The following MPZL3 variants were observed in gnomAD, a reference collection of about 807,000 sequenced individuals.
MPZL3 encodes myelin protein zero like 3.
A neutral mutation model predicts 24.8 loss-of-function variants in MPZL3; 23 were observed. That is an observed-to-expected ratio of 0.93 (90% CI 0.67 to 1.31). MPZL3 has a LOEUF of 1.31. Ranked by LOEUF, MPZL3 falls within the 40% of genes most tolerant of loss-of-function variation. The pLI is 0.00. For missense variants in MPZL3, 277 were observed against 294.9 expected (o/e 0.94, Z 0.44); for synonymous variants, 99 against 106.5 (o/e 0.93, Z 0.44).
rs1199992778 is a variant in MPZL3 at position 118,240,396 on chromosome 11, A to G, written c.74-19T>C. ...TAAACACCTAATCAAAGCAAACCCA[A>G]ACACTTAAAATGCATTCATGTGGGT... On this transcript the variant is annotated intron_variant, in intron 1 of 5. Transcript: ENST00000278949. The G allele has an allele frequency of 6.3e-7, 1 of 1,590,456 alleles. No individual in the cohort carries two copies. The highest frequency in any genetic ancestry group is 8.5e-7 in the Non-Finnish European group (1 of 1,171,614).
intron 5 of MPZL3, among the ~76,000 whole-genome samples, chr11:118,231,880 C>G (rs1448795346): frequency 6.6e-6 from 1 of 152,144 alleles, no homozygotes; most frequent in Non-Finnish European, 1.5e-5. Context: ...ATGCAAATGC[C>G]TCCTACTTGG....
At chr11:118,233,796 C>G (rs1344606656) in intron 4 of MPZL3, among the ~76,000 whole-genome samples, 1 of 152,106 alleles carries the variant, frequency 6.6e-6, no homozygotes, top group Non-Finnish European at 1.5e-5. Flanking sequence ...GAGTTTGAGA[C>G]CAGCCTGGCC....
intron 3 of MPZL3, 110 bp from the exon 4 acceptor site, chr11:118,235,699 T>C: frequency 9.1e-7 from 1 of 1,098,736 alleles, no homozygotes; most frequent in South Asian, 1.6e-5. Context: ...ATTACAAAAG[T>C]AATAAATCAT....
intron 1 of MPZL3, among the ~76,000 whole-genome samples, chr11:118,247,869 C>T (rs1331676112): frequency 6.6e-6 from 1 of 152,056 alleles, no homozygotes; most frequent in East Asian, 1.9e-4. Flanking sequence ...GAAATCTTTC[C>T]TTTATTCTCA....
intron 2 of MPZL3, 140 bp from the exon 3 acceptor site, chr11:118,237,400 C>T (rs928932608): frequency 2.9e-6 from 2 of 701,060 alleles, no homozygotes; most frequent in Non-Finnish European, 4.8e-6. Context: ...CTTTTTTAAC[C>T]TCCATCCTAT....
intron 1 of MPZL3, among the ~76,000 whole-genome samples, chr11:118,248,479 T>C (rs1197710856): frequency 6.6e-6 from 1 of 152,206 alleles, no homozygotes; most frequent in Admixed American, 6.5e-5. Context: ...TTTCCCTTGT[T>C]AATATATCTG....
At position 118,232,849 on chromosome 11, in the gene MPZL3, T is replaced by A. The variant is rs563945315; in HGVS notation, c.681+611A>T. Among the ~76,000 whole-genome samples the A allele has an allele frequency of 3.0e-4, 46 of 152,266 alleles. No homozygotes were observed. In the Middle Eastern group the frequency reaches 0.02, roughly 68 times the overall value. ...ATCATATGAGATCAGAAGTTCTTTG[T>A]GACCTGTTTCCAACTGCACCACATC... is the stretch of plus-strand genomic sequence containing the variant. On this transcript the variant is annotated intron_variant, in intron 5 of 5. Coordinates refer to ENST00000278949, the MANE Select transcript of MPZL3 (RefSeq NM_198275.3).
chr11:118,235,642 T>A, intron 3 of MPZL3, 53 bp from the exon 4 acceptor site: 1 of 1,570,244 alleles, frequency 6.4e-7, no homozygotes, highest in East Asian at 2.3e-5. Flanking sequence ...ATATGCCTCC[T>A]GCGACATGAG....
In MPZL3 at chr11:118,244,702, C is replaced by T. The variant is rs565894814; in HGVS notation, c.74-4325G>A. On this transcript the variant is annotated intron_variant, in intron 1 of 5. Transcript: ENST00000278949. ...GGACCTTACAGATTTGGGTCCTCATCCTTAGTGTAATAGGAAGCCATGGAA... is the reference window on the plus strand; with the variant it reads ...GGACCTTACAGATTTGGGTCCTCATTCTTAGTGTAATAGGAAGCCATGGAA... Among the ~76,000 whole-genome samples the T allele has an allele frequency of 2.0e-4, 30 of 152,290 alleles. 1 individual carries two copies. The South Asian group carries it at 6.2e-3, about 32-fold the overall frequency.
chr11:118,244,124 T>C (rs1949530172), intron 1 of MPZL3, among the ~76,000 whole-genome samples: 1 of 152,226 alleles, frequency 6.6e-6, no homozygotes, highest in African/African-American at 2.4e-5. Flanking sequence ...TACTGGGTCC[T>C]CTACCAGTGA....
chr11:118,249,498 T>A (rs186012271), intron 1 of MPZL3, among the ~76,000 whole-genome samples: 12 of 152,316 alleles, frequency 7.9e-5, no homozygotes, highest in Non-Finnish European at 1.5e-4. Context: ...AGAAAAGCAT[T>A]CTTGCCAGGT....
intron 3 of MPZL3, 113 bp downstream of exon 3, chr11:118,236,937 A>C (rs539480678): frequency 1.2e-6 from 1 of 851,412 alleles, no homozygotes; most frequent in East Asian, 2.5e-5. Context: ...TCAATGATTT[A>C]ATGACCCAAC....
intron 1 of MPZL3, among the ~76,000 whole-genome samples, chr11:118,251,279 TAA>T (rs1267781799): frequency 6.6e-6 from 1 of 152,088 alleles, no homozygotes; most frequent in East Asian, 1.9e-4. Context: ...AGTCACCAGT[TAA>T]AAACTTTCCA....
rs758482584 is a variant in MPZL3, at chr11:118,229,729, T to C, written c.*165A>G. On this transcript the variant is annotated 3_prime_UTR_variant, in exon 6 of 6. Coordinates refer to ENST00000278949, the MANE Select transcript of MPZL3 (RefSeq NM_198275.3). ...ACAGTTTATAAATACAACAAGAACA[T>C]TTATTCAATAAATAAGTGGTTCCTA... The C allele has an allele frequency of 1.4e-5, 8 of 576,278 alleles. No individual in the cohort carries two copies. Among genetic ancestry groups the C allele is most frequent in the East Asian group, 9.0e-5 (3 of 33,506 alleles). 35.7% of individuals were successfully genotyped at this position (576,278 alleles called of 1,614,324 possible).
chr11:118,243,523 C>A (rs1405780988), intron 1 of MPZL3, among the ~76,000 whole-genome samples: 2 of 152,178 alleles, frequency 1.3e-5, no homozygotes, highest in East Asian at 1.9e-4. Context: ...AATCCCAGCA[C>A]TTTGGGAGGC....
Position 118,235,466 on chromosome 11 carries a change from C to A in MPZL3, c.575G>T (p.Ser192Ile), listed in dbSNP as rs751058852. Residue 192 changes from serine to isoleucine, a missense_variant, in exon 4 of 6, where the codon AGC becomes ATC. Physicochemically the swap from Ser to Ile is moderately radical, Grantham distance 142. Transcript: ENST00000278949. ...AGATGACTTCTTATAGCCAGACCTG[C>A]TCCTCTTCTTCAGCCCAGCAGCCTT... is the stretch of plus-strand genomic sequence containing the variant. ...GRKAAGLKKR[S>I]RSGYKKSSIE... 1 of 1,613,930 alleles carries A rather than the reference C, an allele frequency of 6.2e-7. No homozygotes were observed. The highest frequency in any genetic ancestry group is 2.2e-5 in the East Asian group (1 of 44,880).
In MPZL3 at chr11:118,235,440, T is replaced by A. The variant is rs761647468; in HGVS notation, c.601A>T (p.Ile201Phe). ...RSRSGYKKSS[I>F]EVSDDTDQEE... ...TGGACTTACTCATCGGAAACCTCAATAGATGACTTCTTATAGCCAGACCTG... is the reference window on the plus strand; with the variant it reads ...TGGACTTACTCATCGGAAACCTCAAAAGATGACTTCTTATAGCCAGACCTG... The change falls in exon 4 of 6, where the codon ATT becomes TTT. Residue 201 changes from isoleucine (I) to phenylalanine (F), a missense_variant. Ile to Phe is a conservative substitution (Grantham distance 21). Transcript: ENST00000278949. 3 of 1,613,716 alleles carry A rather than the reference T, an allele frequency of 1.9e-6. No individual in the cohort carries two copies. In the East Asian group the frequency reaches 6.7e-5, roughly 36 times the overall value.
At chr11:118,233,075 C>A (rs560584759) in intron 5 of MPZL3, among the ~76,000 whole-genome samples, 1 of 152,204 alleles carries the variant, frequency 6.6e-6, no homozygotes, top group South Asian at 2.1e-4. Context: ...GTTATATCAA[C>A]CTAACTCCCT....
At chr11:118,231,363 AC>A (rs945809713) in intron 5 of MPZL3, among the ~76,000 whole-genome samples, 4 of 152,044 alleles carry the variant, frequency 2.6e-5, no homozygotes, top group African/African-American at 9.7e-5. Context: ...TAGCCTCTTT[AC>A]TAATAATTCC....
Sources: allele counts gnomAD v4.1 joint callset (sites outside exome capture counted in the v4.1 genomes callset), GRCh38; gene constraint gnomAD v4.1.1; transcripts MANE v1.5; gene names NCBI Gene and HGNC (gene_info 2026-07-23, HGNC 2026-07-21).